ABTB3: variants seen among roughly 807,000 people sequenced by gnomAD.
ABTB3 encodes the protein ankyrin repeat and BTB domain containing 3, also known as ankyrin repeat- and BTB/POZ domain-containing protein 3.
chr12:107,383,694 C>T, the ABTB3 span, among the ~76,000 whole-genome samples: 7,270 of 152,180 alleles, frequency 0.048, 211 homozygotes, highest in Middle Eastern at 0.092. Flanking sequence ...TAATGATTGT[C>T]GACTGTTTGG....
chr12:107,643,402 CAAAA>C, the ABTB3 span, among the ~76,000 whole-genome samples: 4 of 79,532 alleles, frequency 5.0e-5, no homozygotes, highest in Non-Finnish European at 7.7e-5. Flanking sequence ...GACCCTATCT[CAAAA>C]AAAAAAAAAA....
the ABTB3 span, among the ~76,000 whole-genome samples, chr12:107,504,715 G>A: frequency 3.1e-4 from 47 of 152,272 alleles, no homozygotes; most frequent in South Asian, 8.3e-4. Flanking sequence ...AGTTGGAAGC[G>A]TGCCAGATAC....
At chr12:107,489,239 G>C in the ABTB3 span, among the ~76,000 whole-genome samples, 10 of 152,154 alleles carry the variant, frequency 6.6e-5, no homozygotes, top group Admixed American at 2.0e-4. Flanking sequence ...AACAAATCTT[G>C]GCTGGGCACG....
At chr12:107,544,737 G>T in the ABTB3 span, among the ~76,000 whole-genome samples, 1 of 152,138 alleles carries the variant, frequency 6.6e-6, no homozygotes, top group East Asian at 1.9e-4. Context: ...CACGAATCAG[G>T]TCCCTCCTCC....
chr12:107,578,990 A>G, the ABTB3 span, among the ~76,000 whole-genome samples: 8 of 152,220 alleles, frequency 5.3e-5, no homozygotes, highest in African/African-American at 1.9e-4. Context: ...AGAAGTCCCC[A>G]TTCCCTGCCC....
the ABTB3 span, among the ~76,000 whole-genome samples, chr12:107,587,946 T>C: frequency 6.6e-6 from 1 of 152,162 alleles, no homozygotes; most frequent in African/African-American, 2.4e-5. Flanking sequence ...TTCTAGAGGC[T>C]AAAAATCCAA....
At chr12:107,563,454 G>A in the ABTB3 span, among the ~76,000 whole-genome samples, 11 of 152,182 alleles carry the variant, frequency 7.2e-5, no homozygotes, top group Non-Finnish European at 1.3e-4. Flanking sequence ...GAACAAACCA[G>A]GAAACTCATA....
chr12:107,504,811 G>A, the ABTB3 span, among the ~76,000 whole-genome samples: 2 of 152,218 alleles, frequency 1.3e-5, no homozygotes, highest in South Asian at 2.1e-4. Flanking sequence ...GTGAATGTTT[G>A]TCCTTGGCAT....
chr12:107,466,679 G>A, the ABTB3 span, among the ~76,000 whole-genome samples: 1 of 151,926 alleles, frequency 6.6e-6, no homozygotes, highest in African/African-American at 2.4e-5. Context: ...GGTTGATGCC[G>A]GGCTATTTCA....
At chr12:107,411,913 A>G in the ABTB3 span, among the ~76,000 whole-genome samples, 4 of 152,180 alleles carry the variant, frequency 2.6e-5, no homozygotes, top group African/African-American at 9.6e-5. Flanking sequence ...GGTTCTGGGG[A>G]CTGAGAGCAA....
the ABTB3 span, chr12:107,657,608 G>T: frequency 6.2e-7 from 1 of 1,614,196 alleles, no homozygotes; most frequent in South Asian, 1.1e-5. Flanking sequence ...GCTCCTGTAT[G>T]ACAAAAATGG....
At chr12:107,475,328 C>A in the ABTB3 span, among the ~76,000 whole-genome samples, 1 of 152,184 alleles carries the variant, frequency 6.6e-6, no homozygotes, top group Non-Finnish European at 1.5e-5. Context: ...ACACCTAGGT[C>A]ATCAAGTTCT....
At chr12:107,610,475 C>T in the ABTB3 span, 11 of 1,114,848 alleles carry the variant, frequency 9.9e-6, no homozygotes, top group South Asian at 7.1e-5. Flanking sequence ...CCCCTACTGA[C>T]GGCTTAGATT....
At chr12:107,458,899 T>G in the ABTB3 span, among the ~76,000 whole-genome samples, 2 of 152,158 alleles carry the variant, frequency 1.3e-5, no homozygotes, top group Non-Finnish European at 2.9e-5. Context: ...GCCCCCTCTA[T>G]GCCAGGCATG....
the ABTB3 span, among the ~76,000 whole-genome samples, chr12:107,395,593 A>G: frequency 1.3e-5 from 2 of 152,106 alleles, no homozygotes; most frequent in Non-Finnish European, 2.9e-5. Flanking sequence ...TCCCAATCAC[A>G]TGCACCCCCT....
the ABTB3 span, among the ~76,000 whole-genome samples, chr12:107,449,517 A>T: frequency 6.6e-6 from 1 of 152,122 alleles, no homozygotes; most frequent in Non-Finnish European, 1.5e-5. Context: ...GCTGTTTTGG[A>T]ATCCCTCCAA....
the ABTB3 span, among the ~76,000 whole-genome samples, chr12:107,576,562 A>G: frequency 6.6e-6 from 1 of 151,756 alleles, no homozygotes; most frequent in African/African-American, 2.4e-5. Flanking sequence ...TAACTTCATT[A>G]CCTCTTCAAA....
chr12:107,544,025 C>T, the ABTB3 span: 1 of 1,613,868 alleles, frequency 6.2e-7, no homozygotes, highest in African/African-American at 1.3e-5. Context: ...AAGCAGGGGG[C>T]ACTGTACTGG....
chr12:107,621,149 C>T, the ABTB3 span, among the ~76,000 whole-genome samples: 5 of 152,146 alleles, frequency 3.3e-5, no homozygotes, highest in Admixed American at 6.5e-5. Flanking sequence ...CTCTGGGCCT[C>T]GGGTGGAAAG....
Sources: gnomAD v4.1 joint callset for allele counts (sites outside exome capture counted in the v4.1 genomes callset) on GRCh38, gnomAD v4.1.1 for gene constraint, MANE v1.5 for transcripts, NCBI Gene and HGNC (gene_info 2026-07-23, HGNC 2026-07-21) for gene names.